The following PCDH15 variants were observed in gnomAD, a reference collection of about 807,000 sequenced individuals.
PCDH15 encodes protocadherin-15.
Under a neutral mutation model 178.5 loss-of-function variants are expected in PCDH15, and 129 were observed. The observed-to-expected ratio is 0.72, with a 90% CI of 0.63 to 0.84. The LOEUF is 0.84. PCDH15 is among the 40% of genes least tolerant of loss of function. The pLI is 0.00. For synonymous variants in PCDH15, 800 were observed against 732.0 expected (o/e 1.09, Z -1.50); for missense variants, 2,230 against 2,099.9 (o/e 1.06, Z -1.21).
chr10:55,332,971 C>T (rs1844251006), intron 2 of PCDH15, among the ~76,000 whole-genome samples: 1 of 152,102 alleles, frequency 6.6e-6, no homozygotes, highest in Admixed American at 6.6e-5. Flanking sequence ...GTGCAAGAGA[C>T]AGACTTGCCA....
intron 3 of PCDH15, among the ~76,000 whole-genome samples, chr10:54,829,138 T>G (rs1020210212): frequency 6.6e-6 from 1 of 152,018 alleles, no homozygotes; most frequent in African/African-American, 2.4e-5. Context: ...GGATTTTACC[T>G]CAAGTGTGAT....
chr10:54,891,193 T>G (rs1313549595), intron 3 of PCDH15, among the ~76,000 whole-genome samples: 1 of 152,120 alleles, frequency 6.6e-6, no homozygotes, highest in African/African-American at 2.4e-5. Flanking sequence ...CAGACCATCA[T>G]GTCTATTCTA....
Position 55,328,616 on chromosome 10 carries a change from T to C in PCDH15, c.-155-161965A>G, listed in dbSNP as rs189315934. On this transcript the variant is annotated intron_variant, in intron 2 of 5. Transcript: ENST00000613346. Reference sequence around the variant, plus strand: ...CAACACTCCATATTCATTGGTTCCATATATGAGGATTCAATAAACTCTCAG... The same window carrying C: ...CAACACTCCATATTCATTGGTTCCACATATGAGGATTCAATAAACTCTCAG... Among the ~76,000 whole-genome samples the C allele has an allele frequency of 5.0e-4, 76 of 151,650 alleles. 1 individual carries two copies. The highest frequency in any genetic ancestry group is 1.7e-3 in the African/African-American group (72 of 41,450).
chr10:54,100,561 A>G lies in PCDH15; in HGVS notation c.1918-10498T>C, dbSNP rs190985055. Among the ~76,000 whole-genome samples the G allele has an allele frequency of 1.8e-3, 279 of 152,318 alleles. 2 individuals carry two copies. Among genetic ancestry groups the G allele is most frequent in the African/African-American group, 6.0e-3 (251 of 41,558 alleles). On this transcript the variant is annotated intron_variant, in intron 15 of 37. Coordinates refer to ENST00000644397, the MANE Select transcript of PCDH15 (RefSeq NM_001384140.1). ...AATGGCACAAGGCTGTCATGATGATAGAATGAAAGAGTTCATATCTAGAAT... is the reference window on the plus strand; with the variant it reads ...AATGGCACAAGGCTGTCATGATGATGGAATGAAAGAGTTCATATCTAGAAT...
intron 2 of PCDH15, among the ~76,000 whole-genome samples, chr10:54,578,612 A>C (rs2090742376): frequency 6.6e-6 from 1 of 152,132 alleles, no homozygotes; most frequent in Non-Finnish European, 1.5e-5. Context: ...CAGAATGACA[A>C]AAATATATAA....
chr10:54,596,255 A>T (rs1408712536), intron 2 of PCDH15, among the ~76,000 whole-genome samples: 3 of 152,238 alleles, frequency 2.0e-5, no homozygotes, highest in African/African-American at 7.2e-5. Context: ...TCAGACTAAC[A>T]GCAGACCTCT....
chr10:54,738,332 GT>G, intron 1 of PCDH15, among the ~76,000 whole-genome samples: 1 of 152,140 alleles, frequency 6.6e-6, no homozygotes, highest in Middle Eastern at 3.4e-3. Context: ...GAAATAAATA[GT>G]TTCCAAAAGA....
At chr10:55,514,400 G>A (rs1264034207) in intron 2 of PCDH15, among the ~76,000 whole-genome samples, 8 of 152,070 alleles carry the variant, frequency 5.3e-5, no homozygotes, top group Non-Finnish European at 5.9e-5. Context: ...TTTGTTCTCC[G>A]AAAGTTTGCT....
At chr10:55,555,719 C>T (rs1294893996) in intron 2 of PCDH15, among the ~76,000 whole-genome samples, 3 of 151,986 alleles carry the variant, frequency 2.0e-5, no homozygotes, top group Admixed American at 2.0e-4. Context: ...AATGAGGGTG[C>T]TTAGTGGATT....
chr10:54,117,986 C>T (rs1590587710), intron 15 of PCDH15, among the ~76,000 whole-genome samples: 1 of 152,252 alleles, frequency 6.6e-6, no homozygotes, highest in Admixed American at 6.5e-5. Flanking sequence ...CAGCTGGGCC[C>T]CCAGGCTATT....
chr10:54,597,565 A>G (rs918142094), intron 2 of PCDH15, among the ~76,000 whole-genome samples: 7 of 151,982 alleles, frequency 4.6e-5, no homozygotes, highest in Non-Finnish European at 1.0e-4. Context: ...AACAACAACA[A>G]CAACAAAATA....
chr10:54,778,911 G>A (rs1949983585), intron 1 of PCDH15, among the ~76,000 whole-genome samples: 1 of 152,088 alleles, frequency 6.6e-6, no homozygotes, highest in African/African-American at 2.4e-5. Context: ...CATGTTGGCA[G>A]TGATGGTGGT....
chr10:55,535,796 T>C (rs1841564905), intron 2 of PCDH15, among the ~76,000 whole-genome samples: 1 of 151,994 alleles, frequency 6.6e-6, no homozygotes, highest in Admixed American at 6.6e-5. Flanking sequence ...TTCTTAACAC[T>C]TCATGCCAAA....
At chr10:53,850,607 G>A (rs2078292929) in intron 28 of PCDH15, among the ~76,000 whole-genome samples, 1 of 151,814 alleles carries the variant, frequency 6.6e-6, no homozygotes, top group African/African-American at 2.4e-5. Flanking sequence ...ATAATAAATG[G>A]TAGGATTTAT....
intron 2 of PCDH15, among the ~76,000 whole-genome samples, chr10:55,086,174 A>G (rs1348255613): frequency 6.6e-6 from 1 of 151,980 alleles, no homozygotes; most frequent in African/African-American, 2.4e-5. Context: ...AAGAAATATT[A>G]ATGCTAAAAC....
chr10:53,964,636 T>C lies in PCDH15; in HGVS notation c.2869-2744A>G, dbSNP rs142821393. Among the ~76,000 whole-genome samples the C allele has an allele frequency of 2.2e-3, 339 of 152,160 alleles. 2 individuals are homozygous for C. The highest frequency in any genetic ancestry group is 7.6e-3 in the African/African-American group (315 of 41,540). On this transcript the variant is annotated intron_variant, in intron 21 of 37. Transcript: ENST00000644397. ...TTGAAGGTTTGGGAAATAGAGAACA[T>C]TGAATAAACCTTGAAAGCATGTTAG...
rs189577599 is a variant in PCDH15 at position 54,964,581 on chromosome 10, C to G, written c.-79-67081G>C. Among the ~76,000 whole-genome samples, 266 of 152,168 alleles carry G rather than the reference C, an allele frequency of 1.7e-3. 1 individual carries two copies. Among genetic ancestry groups the G allele is most frequent in the African/African-American group, 6.0e-3 (251 of 41,526 alleles). On this transcript the variant is annotated intron_variant, in intron 2 of 5. Coordinates refer to the PCDH15 transcript ENST00000458638. ...GGTCCCATTGTTTCCCCAACAAGATCCAGATATGAAGACAACCTGTTCCCT... is the reference window on the plus strand; with the variant it reads ...GGTCCCATTGTTTCCCCAACAAGATGCAGATATGAAGACAACCTGTTCCCT...
At chr10:55,550,002 T>C (rs1841972458) in intron 2 of PCDH15, among the ~76,000 whole-genome samples, 1 of 152,128 alleles carries the variant, frequency 6.6e-6, no homozygotes, top group South Asian at 2.1e-4. Flanking sequence ...TCAATGATTT[T>C]GTATTTTCAC....
chr10:55,058,135 A>G (rs777274856), intron 2 of PCDH15, among the ~76,000 whole-genome samples: 1 of 152,166 alleles, frequency 6.6e-6, no homozygotes, highest in Non-Finnish European at 1.5e-5. Context: ...TATTCATTCA[A>G]ATGCATCCAT....
Sources: gnomAD v4.1 joint callset for allele counts (sites outside exome capture counted in the v4.1 genomes callset) on GRCh38, gnomAD v4.1.1 for gene constraint, MANE v1.5 for transcripts, NCBI Gene and HGNC (gene_info 2026-07-23, HGNC 2026-07-21) for gene names.